Variants in CTNND2 observed in about 807,000 individuals in gnomAD.
CTNND2 encodes catenin delta 2.
CTNND2 carries 22 observed loss-of-function variants against 144.4 expected under a neutral mutation model. The ratio of observed to expected loss-of-function variants is 0.15; its 90% CI spans 0.11 to 0.22. The LOEUF is 0.22. Among genes scored for constraint, CTNND2 ranks in the 10% least tolerant of loss-of-function variants. The pLI is 1.00. For missense variants in CTNND2, 1,353 were observed against 1,618.8 expected, an observed-to-expected ratio of 0.84 and a Z score of 2.82; for synonymous variants, 751 against 695.6, an observed-to-expected ratio of 1.08 and a Z score of -1.25.
chr5:11,534,295 G>A (rs1269531794), intron 3 of CTNND2, among the ~76,000 whole-genome samples: 2 of 152,198 alleles, frequency 1.3e-5, no homozygotes, highest in South Asian at 2.1e-4. Flanking sequence ...AGGGAACAGT[G>A]TAGCCCATAA....
chr5:11,145,536 T>C (rs1196552044), intron 12 of CTNND2, among the ~76,000 whole-genome samples: 2 of 152,138 alleles, frequency 1.3e-5, no homozygotes, highest in Non-Finnish European at 2.9e-5. Context: ...CAGTGGCAAC[T>C]AACTGAGGTT....
At chr5:11,090,443 G>A (rs895125978) in intron 15 of CTNND2, among the ~76,000 whole-genome samples, 3 of 152,228 alleles carry the variant, frequency 2.0e-5, no homozygotes, top group Admixed American at 6.5e-5. Context: ...GAACTGGGCC[G>A]TACAGCAGGA....
chr5:11,106,846 A>T (rs983550015), intron 14 of CTNND2, among the ~76,000 whole-genome samples: 40 of 152,310 alleles, frequency 2.6e-4, no homozygotes, highest in African/African-American at 9.1e-4. Flanking sequence ...CAGGGATGTA[A>T]CAGTGATGTG....
At chr5:11,184,254 CT>C (rs1735395013) in intron 11 of CTNND2, among the ~76,000 whole-genome samples, 1 of 152,064 alleles carries the variant, frequency 6.6e-6, no homozygotes, top group Non-Finnish European at 1.5e-5. Context: ...TGAAAGTAGC[CT>C]TTTTTCTACT....
In CTNND2 at chr5:11,516,245, T is replaced by C. The variant is rs1204079131; in HGVS notation, c.287+48699A>G. ...AGAAATAACATCTTGAAACAAATCA[T>C]AACAACTAAGATTGAGAATAAGACA... On this transcript the variant is annotated intron_variant, in intron 3 of 21. Coordinates refer to ENST00000304623, the MANE Select transcript of CTNND2 (RefSeq NM_001332.4). Among the ~76,000 whole-genome samples, 8 of 151,996 alleles carry C rather than the reference T, an allele frequency of 5.3e-5. No homozygotes were observed. The East Asian group carries it at 1.3e-3, about 26-fold the overall frequency.
chr5:11,903,677 G>C lies in CTNND2; in HGVS notation c.37+140C>G, dbSNP rs1403506166. On this transcript the variant is annotated intron_variant, in intron 1 of 21. Coordinates refer to ENST00000304623, the MANE Select transcript of CTNND2 (RefSeq NM_001332.4). The surrounding 1 kb of genome is among the most constrained non-coding windows in gnomAD (Gnocchi z 5.4). Reference sequence around the variant, plus strand: ...CTGGCGCGATCGCGGTCCTCCCCGAGGCAGGCAGAAACCCCGCAGCAGCCG... The same window carrying C: ...CTGGCGCGATCGCGGTCCTCCCCGACGCAGGCAGAAACCCCGCAGCAGCCG... 5.5e-6 allele frequency: 5 copies of C among 913,130 alleles called. No homozygotes were observed. The highest frequency in any genetic ancestry group is 7.6e-6 in the Non-Finnish European group (5 of 661,482). 56.6% of individuals were successfully genotyped at this position (913,130 alleles called of 1,614,324 possible).
chr5:11,220,125 T>C (rs1441328704), intron 10 of CTNND2, among the ~76,000 whole-genome samples: 3 of 152,264 alleles, frequency 2.0e-5, no homozygotes, highest in Admixed American at 6.5e-5. Flanking sequence ...GAGGGACATA[T>C]AGGAGGGAAA....
At chr5:11,654,780 G>A (rs1782825184) in intron 2 of CTNND2, among the ~76,000 whole-genome samples, 1 of 151,866 alleles carries the variant, frequency 6.6e-6, no homozygotes. Context: ...AGCCCTCTAT[G>A]CTGAATAGAA....
At chr5:11,605,022 G>A (rs1191143021) in intron 2 of CTNND2, among the ~76,000 whole-genome samples, 1 of 152,186 alleles carries the variant, frequency 6.6e-6, no homozygotes, top group Non-Finnish European at 1.5e-5. Flanking sequence ...ATTCCTTGGA[G>A]AGGTTGCTGA....
chr5:11,524,153 C>G (rs1348565191), intron 3 of CTNND2, among the ~76,000 whole-genome samples: 1 of 152,062 alleles, frequency 6.6e-6, no homozygotes, highest in Non-Finnish European at 1.5e-5. Flanking sequence ...ATCTGTGATC[C>G]CCTCACTGCA....
chr5:11,143,468 T>G (rs957881286), intron 12 of CTNND2, among the ~76,000 whole-genome samples: 1 of 152,228 alleles, frequency 6.6e-6, no homozygotes, highest in African/African-American at 2.4e-5. Context: ...GATGCTCTAT[T>G]GGCTTGTAGG....
chr5:11,120,252 A>G (rs1580340147), intron 12 of CTNND2, among the ~76,000 whole-genome samples: 1 of 152,240 alleles, frequency 6.6e-6, no homozygotes, highest in East Asian at 1.9e-4. Context: ...GGGGGTTATC[A>G]TGCTGTCTGC....
At chr5:11,729,391 C>A (rs1331039024) in intron 2 of CTNND2, among the ~76,000 whole-genome samples, 1 of 152,114 alleles carries the variant, frequency 6.6e-6, no homozygotes, top group Non-Finnish European at 1.5e-5. Flanking sequence ...TCCTTCTATA[C>A]TTTTCTAGAT....
chr5:11,103,179 G>C (rs898772962), intron 14 of CTNND2, among the ~76,000 whole-genome samples: 1 of 151,016 alleles, frequency 6.6e-6, no homozygotes, highest in Non-Finnish European at 1.5e-5. Context: ...ACGGGGTTTC[G>C]CCATGTTGGC....
intron 3 of CTNND2, among the ~76,000 whole-genome samples, chr5:11,482,234 TC>T (rs1291247196): frequency 2.0e-5 from 3 of 152,064 alleles, no homozygotes; most frequent in African/African-American, 7.2e-5. Flanking sequence ...TTCTGGCAGC[TC>T]CCCAGTCTGG....
intron 7 of CTNND2, among the ~76,000 whole-genome samples, chr5:11,379,806 A>G (rs1758297759): frequency 6.6e-6 from 1 of 152,136 alleles, no homozygotes; most frequent in South Asian, 2.1e-4. Flanking sequence ...GTTTCTAACA[A>G]GCACATATGA....
At chr5:11,716,584 GTTAT>G (rs902388117) in intron 2 of CTNND2, among the ~76,000 whole-genome samples, 2 of 152,012 alleles carry the variant, frequency 1.3e-5, no homozygotes, top group African/African-American at 4.8e-5. Context: ...TCTAACAGTT[GTTAT>G]TTATTTAATC....
At chr5:11,317,689 AT>A (rs56731697) in intron 9 of CTNND2, among the ~76,000 whole-genome samples, 2,364 of 151,648 alleles carry the variant, frequency 0.016, 43 homozygotes, top group African/African-American at 0.054. Context: ...TTCAAATACT[AT>A]TTTTTTTTAT....
At chr5:11,365,349 C>T (rs907277171) in intron 7 of CTNND2, among the ~76,000 whole-genome samples, 1 of 152,162 alleles carries the variant, frequency 6.6e-6, no homozygotes, top group Non-Finnish European at 1.5e-5. Flanking sequence ...AGAAATTGTT[C>T]CCATCAGCAG....
Sources: gnomAD v4.1 joint callset for allele counts (sites outside exome capture counted in the v4.1 genomes callset) on GRCh38, gnomAD v4.1.1 for gene constraint, Gnocchi (gnomAD v3.1) non-coding constraint, MANE v1.5 for transcripts, NCBI Gene and HGNC (gene_info 2026-07-23, HGNC 2026-07-21) for gene names.